RBM23: variants seen among roughly 807,000 people sequenced by gnomAD.
RBM23 encodes the protein RNA binding motif protein 23, also known as probable RNA-binding protein 23.
In RBM23, 53 loss-of-function variants were observed where a neutral mutation model predicts 56.2. That is an observed-to-expected ratio of 0.94 (90% CI 0.76 to 1.19). RBM23 has a LOEUF of 1.19. Ranked by LOEUF, RBM23 falls within the 50% of genes most tolerant of loss-of-function variation. The probability of loss-of-function intolerance (pLI) is 0.00; values close to 1 mark genes in which losing one functional copy is unlikely to be tolerated. For missense variants in RBM23, 642 were observed against 590.3 expected (o/e 1.09, Z -0.91); for synonymous variants, 197 against 198.5 (o/e 0.99, Z 0.06).
rs1200302007 is a variant in RBM23, at chr14:22,895,978, G to A, written c.*5752C>T. 6.6e-6 allele frequency: 1 copy of A among 152,200 alleles called. No individual in the cohort carries two copies. The highest frequency in any genetic ancestry group is 1.5e-5 in the Non-Finnish European group (1 of 68,032). The allele number at this position is 152,200 out of a possible 1,614,324, so 9.4% of individuals were successfully genotyped here. A position where few individuals can be genotyped will look rare whatever the true frequency, so the allele number is the denominator to read the frequency against. ...TTTTCCTGAAAACTAGGCAGGTTGT[G>A]TGTGACCCAAGACCTTGTAAGCTTG... On this transcript the variant is annotated 3_prime_UTR_variant, in exon 14 of 14. Coordinates refer to ENST00000359890, the MANE Select transcript of RBM23 (RefSeq NM_001077351.2).
intron 10 of RBM23, chr14:22,902,777 T>C: frequency 1.0e-6 from 1 of 968,468 alleles, no homozygotes; most frequent in Non-Finnish European, 1.2e-6. Flanking sequence ...TTTTTTTTTT[T>C]TTTTTTTGAG....
In RBM23 at chr14:22,904,095, G is replaced by A. The variant is rs148554539; in HGVS notation, c.930+166C>T. On this transcript the variant is annotated intron_variant, in intron 10 of 13. Transcript: ENST00000359890. ...TGTAGGAGCAAAGCCAAGATCTCAAGCAATGCACTCATCTCAAGGGGTAGA... is the reference window on the plus strand; with the variant it reads ...TGTAGGAGCAAAGCCAAGATCTCAAACAATGCACTCATCTCAAGGGGTAGA... 356 of 1,533,106 alleles carry A rather than the reference G, an allele frequency of 2.3e-4. 3 individuals carry two copies. The African/African-American group carries it at 4.4e-3, about 19-fold the overall frequency. The allele number at this position is 1,533,106 out of a possible 1,614,324, so 95.0% of individuals were successfully genotyped here. A position where few individuals can be genotyped will look rare whatever the true frequency, so the allele number is the denominator to read the frequency against.
At chr14:22,903,774 A>C in intron 10 of RBM23, 1 of 1,000,078 alleles carries the variant, frequency 1.0e-6, no homozygotes. Flanking sequence ...AAGCTTGCCC[A>C]TAATTAGGTG....
chr14:22,900,390 A>G lies in RBM23; in HGVS notation c.*1340T>C, dbSNP rs2040349967. 7.0e-6 allele frequency: 1 copy of G among 143,112 alleles called. No homozygotes were observed. Among genetic ancestry groups the G allele is most frequent in the Non-Finnish European group, 1.5e-5 (1 of 67,110 alleles). The allele number at this position is 143,112 out of a possible 1,614,324, so 8.9% of individuals were successfully genotyped here. ...AACAAGTGTAGAATGCAGTACTGTCATAGTGCCATCTGCTGGAAAGATCTG... is the reference window on the plus strand; with the variant it reads ...AACAAGTGTAGAATGCAGTACTGTCGTAGTGCCATCTGCTGGAAAGATCTG... On this transcript the variant is annotated 3_prime_UTR_variant, in exon 14 of 14. Transcript: ENST00000359890.
At chr14:22,917,857 C>G (rs1269131110) in intron 1 of RBM23, 3 of 152,258 alleles carry the variant, frequency 2.0e-5, no homozygotes, top group Non-Finnish European at 4.4e-5. Context: ...TAGACCTCGT[C>G]ATAGCACAAG....
In RBM23 at chr14:22,901,042, C is replaced by T. The variant is rs2040424700; in HGVS notation, c.*688G>A. 2 of 152,250 alleles carry T rather than the reference C, an allele frequency of 1.3e-5. No individual in the cohort carries two copies. The highest frequency in any genetic ancestry group is 2.9e-5 in the Non-Finnish European group (2 of 68,078). 9.4% of individuals were successfully genotyped at this position (152,250 alleles called of 1,614,324 possible). ...CTGGAAAGGCATACTCCACCTTTTA[C>T]TAAATTCCTGAAAGCCCCTAAATGC... On this transcript the variant is annotated 3_prime_UTR_variant, in exon 14 of 14. Transcript: ENST00000359890.
intron 2 of RBM23, among the ~76,000 whole-genome samples, chr14:22,909,867 G>A (rs944194842): frequency 6.6e-6 from 1 of 152,100 alleles, no homozygotes; most frequent in African/African-American, 2.4e-5. Flanking sequence ...ACAAATTGGT[G>A]CTAGGCTGGG....
In RBM23 at chr14:22,915,520, G is replaced by T. The variant is rs535048248; in HGVS notation, c.-11+3479C>A. ...GCTTTTTTTTTTTTTTTTTGAGAAG[G>T]AGTCTAGCTCTGTTGTCCAGGCTGG... On this transcript the variant is annotated intron_variant, in intron 1 of 13. Transcript: ENST00000359890. Among the ~76,000 whole-genome samples the T allele has an allele frequency of 2.2e-3, 299 of 133,166 alleles. 2 individuals carry two copies. Among genetic ancestry groups the T allele is most frequent in the African/African-American group, 8.3e-3 (290 of 35,046 alleles). 87.4% of individuals were successfully genotyped at this position (133,166 alleles called of 152,430 possible). A position where few individuals can be genotyped will look rare whatever the true frequency, so the allele number is the denominator to read the frequency against.
At chr14:22,914,883 T>A (rs1198531552) in intron 1 of RBM23, among the ~76,000 whole-genome samples, 10 of 144,390 alleles carry the variant, frequency 6.9e-5, no homozygotes, top group African/African-American at 1.8e-4. Context: ...CTCAAGAGGC[T>A]AAGACAGGAG....
At position 22,905,410 on chromosome 14, in the gene RBM23, T is replaced by G. The variant is rs1390886921; in HGVS notation, c.499A>C (p.Thr167Pro). The G allele has an allele frequency of 1.2e-6, 2 of 1,614,136 alleles. No homozygotes were observed. Among genetic ancestry groups the G allele is most frequent in the Non-Finnish European group, 1.7e-6 (2 of 1,180,026 alleles). The stretch of plus-strand genomic sequence containing the variant: ...GCAGCTAACTGCATACAGAAAACTG[T>G]GCGGGCATCACGCTCCTCAGGACTC... ...NLSPEERDAR[T>P]VFCMQLAARI... Residue 167 changes from threonine to proline, a missense_variant, in exon 7 of 14, where the codon ACA becomes CCA. By Grantham distance (38) the Thr-to-Pro change is conservative. Transcript: ENST00000359890.
chr14:22,893,282 A>T lies in RBM23; in HGVS notation c.*8448T>A, dbSNP rs2040194734. The T allele has an allele frequency of 6.6e-6, 1 of 152,236 alleles. No homozygotes were observed. Among genetic ancestry groups the T allele is most frequent in the African/African-American group, 2.4e-5 (1 of 41,462 alleles). 9.4% of individuals were successfully genotyped at this position (152,236 alleles called of 1,614,324 possible). The stretch of plus-strand genomic sequence containing the variant: ...CTAAGTAAATTTTCCTGGACATTTT[A>T]ATCTTTCATCCACAAATGCTAGAAG... On this transcript the variant is annotated 3_prime_UTR_variant, in exon 14 of 14. Transcript: ENST00000359890.
intron 3 of RBM23, 27 bp downstream of exon 3, chr14:22,909,456 C>T (rs2042100277): frequency 6.3e-7 from 1 of 1,589,256 alleles, no homozygotes; most frequent in Non-Finnish European, 8.6e-7. Flanking sequence ...CCCAAGTTGC[C>T]AACCCATTTC....
chr14:22,904,771 G>A, intron 9 of RBM23, 104 bp downstream of exon 9: 1 of 1,515,578 alleles, frequency 6.6e-7, no homozygotes. Flanking sequence ...TATGACGTAT[G>A]CAGCAGGTTA....
At chr14:22,916,777 T>A (rs1461501808) in intron 1 of RBM23, among the ~76,000 whole-genome samples, 4 of 152,198 alleles carry the variant, frequency 2.6e-5, no homozygotes, top group Non-Finnish European at 1.5e-5. Flanking sequence ...CTAAACCTCA[T>A]TGTGAGTCTC....
rs758838206 is a variant in RBM23, at chr14:22,906,249, C to T, written c.347G>A (p.Arg116Gln). 1.1e-5 allele frequency: 18 copies of T among 1,614,110 alleles called. No individual in the cohort carries two copies. The African/African-American group carries it at 1.2e-4, about 11-fold the overall frequency. The change falls in exon 5 of 14, where the codon CGG (arginine) becomes CAG (glutamine). Residue 116 changes from arginine to glutamine, a missense_variant. Physicochemically the swap from Arg to Gln is conservative, Grantham distance 43. Coordinates refer to ENST00000359890, the MANE Select transcript of RBM23 (RefSeq NM_001077351.2). ...CACACGATCCTCACGACGATGGTCC[C>T]GACTTCGCGACTCACTACCATGTCG... ...DRRHGSESRS[R>Q]DHRREDRVHY... is the part of the protein sequence containing the mutation.
chr14:22,901,666 G>T lies in RBM23; in HGVS notation c.*64C>A, dbSNP rs1218749741. 7 of 1,580,808 alleles carry T rather than the reference G, an allele frequency of 4.4e-6. No individual in the cohort carries two copies. The highest frequency in any genetic ancestry group is 1.3e-5 in the African/African-American group (1 of 74,128). Reference sequence around the variant, plus strand: ...CCACAAAATGGAGAAATGGGGCCATGGAAGAGTAGATGTGAAGTGGCAGGA... The same window carrying T: ...CCACAAAATGGAGAAATGGGGCCATTGAAGAGTAGATGTGAAGTGGCAGGA... On this transcript the variant is annotated 3_prime_UTR_variant, in exon 14 of 14. Coordinates refer to ENST00000359890, the MANE Select transcript of RBM23 (RefSeq NM_001077351.2).
At chr14:22,910,472 A>AAAAG (rs1195473988) in intron 2 of RBM23, among the ~76,000 whole-genome samples, 52 of 133,064 alleles carry the variant, frequency 3.9e-4, no homozygotes, top group African/African-American at 1.3e-3. Flanking sequence ...AAAAAAAAAA[A>AAAAG]AAAGAAAGGA....
chr14:22,918,682 C>T (rs2044023849), intron 1 of RBM23, among the ~76,000 whole-genome samples: 1 of 152,058 alleles, frequency 6.6e-6, no homozygotes, highest in South Asian at 2.1e-4. Context: ...GGTCGATGCT[C>T]CCTCTCCAGT....
At chr14:22,912,603 G>A (rs2042718707) in intron 1 of RBM23, among the ~76,000 whole-genome samples, 1 of 151,998 alleles carries the variant, frequency 6.6e-6, no homozygotes, top group South Asian at 2.1e-4. Flanking sequence ...CCCACACATG[G>A]ATGAATCTCA....
Sources: gnomAD v4.1 joint callset for allele counts (sites outside exome capture counted in the v4.1 genomes callset) on GRCh38, gnomAD v4.1.1 for gene constraint, MANE v1.5 for transcripts, NCBI Gene and HGNC (gene_info 2026-07-23, HGNC 2026-07-21) for gene names.